HNRNPC: variants seen among roughly 807,000 people sequenced by gnomAD.
HNRNPC encodes heterogeneous nuclear ribonucleoprotein C.
A neutral mutation model predicts 33.2 loss-of-function variants in HNRNPC; 3 were observed. The ratio of observed to expected loss-of-function variants is 0.09; its 90% CI spans 0.04 to 0.23. The LOEUF is 0.23. HNRNPC is among the 10% of genes least tolerant of loss of function. HNRNPC has a pLI of 1.00. For synonymous variants in HNRNPC, 121 were observed against 126.7 expected (o/e 0.96, Z 0.30); for missense variants, 143 against 366.7 (o/e 0.39, Z 4.98).
At chr14:21,246,399 A>T (rs962176246) in intron 2 of HNRNPC, among the ~76,000 whole-genome samples, 18 of 151,974 alleles carry the variant, frequency 1.2e-4, no homozygotes, top group African/African-American at 4.4e-4. Flanking sequence ...CTCTACTAAA[A>T]ATACAAAAAC....
chr14:21,246,662 G>C (rs1342942709), intron 2 of HNRNPC, among the ~76,000 whole-genome samples: 1 of 151,984 alleles, frequency 6.6e-6, no homozygotes, highest in East Asian at 1.9e-4. Context: ...GGAAAAGAAA[G>C]GAATAATCTG....
At chr14:21,248,457 T>G (rs1380541230) in intron 2 of HNRNPC, among the ~76,000 whole-genome samples, 1 of 152,170 alleles carries the variant, frequency 6.6e-6, no homozygotes, top group African/African-American at 2.4e-5. Context: ...TTGATAGTAT[T>G]TGTCTCACAG....
chr14:21,256,968 A>T (rs868259851), intron 2 of HNRNPC, among the ~76,000 whole-genome samples: 30 of 152,236 alleles, frequency 2.0e-4, no homozygotes, highest in South Asian at 6.2e-4. Flanking sequence ...TGATTTTCTA[A>T]TAGGCCAAAG....
At chr14:21,218,569 T>TC (rs1470037245) in intron 5 of HNRNPC, among the ~76,000 whole-genome samples, 1 of 146,418 alleles carries the variant, frequency 6.8e-6, no homozygotes, top group African/African-American at 2.6e-5. Flanking sequence ...GCACCTGTAG[T>TC]CCCAGCTACT....
intron 1 of HNRNPC, among the ~76,000 whole-genome samples, chr14:21,268,937 G>A (rs567219461): frequency 1.3e-4 from 20 of 152,118 alleles, no homozygotes; most frequent in Middle Eastern, 3.4e-3. Flanking sequence ...AAGAACGGAG[G>A]TAATAGAAGG....
At chr14:21,211,777 T>G in intron 7 of HNRNPC, 33 bp downstream of exon 7, 4 of 1,576,182 alleles carry the variant, frequency 2.5e-6, no homozygotes, top group Non-Finnish European at 3.5e-6. Context: ...CTAACCCAAC[T>G]GTATACCAAG....
rs138117353 is a variant in HNRNPC at position 21,268,351 on chromosome 14, G to A, written c.-63+947C>T. ...TGTCATCTTACACTTAGGAAGTTAC[G>A]TTAAAAAATTCTCAAGTCTCGTAGT... On this transcript the variant is annotated intron_variant, in intron 1 of 8. Transcript: ENST00000553300. Among the ~76,000 whole-genome samples the A allele has an allele frequency of 4.4e-3, 672 of 152,208 alleles. 1 individual carries two copies. Among genetic ancestry groups the A allele is most frequent in the African/African-American group, 0.015 (634 of 41,560 alleles).
intron 5 of HNRNPC, among the ~76,000 whole-genome samples, chr14:21,226,080 G>A (rs1342965490): frequency 6.6e-6 from 1 of 152,034 alleles, no homozygotes; most frequent in Non-Finnish European, 1.5e-5. Context: ...CACTTTGGGA[G>A]GCCAAGGTGG....
chr14:21,224,607 C>T (rs1893205881), intron 5 of HNRNPC, among the ~76,000 whole-genome samples: 1 of 152,170 alleles, frequency 6.6e-6, no homozygotes, highest in South Asian at 2.1e-4. Flanking sequence ...CTCTCCATTC[C>T]AACATTTACA....
At chr14:21,251,087 C>A (rs1161422763) in intron 2 of HNRNPC, among the ~76,000 whole-genome samples, 2 of 151,710 alleles carry the variant, frequency 1.3e-5, no homozygotes, top group African/African-American at 2.4e-5. Context: ...TGGTGAAACC[C>A]CATCTCTACT....
At chr14:21,229,161 C>T (rs566108138) in intron 5 of HNRNPC, among the ~76,000 whole-genome samples, 2 of 150,782 alleles carry the variant, frequency 1.3e-5, no homozygotes, top group Non-Finnish European at 2.9e-5. Context: ...GAGGCCAAGA[C>T]GGACGGATCA....
chr14:21,217,259 T>C (rs1892293266), intron 5 of HNRNPC, among the ~76,000 whole-genome samples: 1 of 152,226 alleles, frequency 6.6e-6, no homozygotes, highest in Non-Finnish European at 1.5e-5. Flanking sequence ...TTTTTGTAGC[T>C]TGTGTTTTAT....
chr14:21,213,266 A>G, intron 5 of HNRNPC, 149 bp from the exon 6 acceptor site: 2 of 719,962 alleles, frequency 2.8e-6, no homozygotes, highest in Non-Finnish European at 4.4e-6. Flanking sequence ...AAACCTCCAC[A>G]GTGGGGTTTA....
intron 2 of HNRNPC, among the ~76,000 whole-genome samples, chr14:21,246,685 A>G (rs1896015561): frequency 6.6e-6 from 1 of 152,152 alleles, no homozygotes; most frequent in Non-Finnish European, 1.5e-5. Flanking sequence ...TGCTCTCCAG[A>G]TGCTACTTTT....
chr14:21,241,123 G>A (rs1045511707), intron 2 of HNRNPC, among the ~76,000 whole-genome samples: 3 of 151,926 alleles, frequency 2.0e-5, no homozygotes, highest in Non-Finnish European at 4.4e-5. Context: ...AAAAATTGGT[G>A]GTGGCAGGCG....
chr14:21,228,526 G>A (rs1032561434), intron 5 of HNRNPC, among the ~76,000 whole-genome samples: 2 of 151,892 alleles, frequency 1.3e-5, no homozygotes, highest in African/African-American at 2.4e-5. Flanking sequence ...TGAGTAGCTG[G>A]GACTACAGGC....
chr14:21,267,095 C>CAA lies in HNRNPC; in HGVS notation c.-63+2201_-63+2202dup, dbSNP rs56203257. 2.0e-3 allele frequency among the ~76,000 whole-genome samples: 210 copies of CAA among 104,048 alleles called. 5 individuals are homozygous for CAA. The highest frequency in any genetic ancestry group is 4.4e-3 in the Admixed American group (43 of 9,838). The allele number at this position is 104,048 out of a possible 152,430, so 68.3% of individuals were successfully genotyped here. A position where few individuals can be genotyped will look rare whatever the true frequency, so the allele number is the denominator to read the frequency against. ...AGGGCGACAGAGCGAGACTCCGTCT[C>CAA]AAAAAAAAAAAAAAAAAAAAAAAAA... On this transcript the variant is annotated intron_variant, in intron 1 of 8. Coordinates refer to ENST00000553300, the MANE Select transcript of HNRNPC (RefSeq NM_004500.4).
chr14:21,219,256 G>C (rs1892568401), intron 5 of HNRNPC, among the ~76,000 whole-genome samples: 1 of 152,162 alleles, frequency 6.6e-6, no homozygotes, highest in Non-Finnish European at 1.5e-5. Context: ...AGGCAACAGA[G>C]TGAAGGTGCA....
At chr14:21,238,678 T>A (rs1229933699) in intron 2 of HNRNPC, among the ~76,000 whole-genome samples, 1 of 152,186 alleles carries the variant, frequency 6.6e-6, no homozygotes, top group African/African-American at 2.4e-5. Flanking sequence ...ATCATCATAT[T>A]TCCCCTCTTC....
Sources: gnomAD v4.1 joint callset for allele counts (sites outside exome capture counted in the v4.1 genomes callset) on GRCh38, gnomAD v4.1.1 for gene constraint, MANE v1.5 for transcripts, NCBI Gene and HGNC (gene_info 2026-07-23, HGNC 2026-07-21) for gene names.